The following PDSS2 variants were observed in gnomAD, a reference collection of about 807,000 sequenced individuals.
The protein encoded by PDSS2 is decaprenyl diphosphate synthase subunit 2, also known as all trans-polyprenyl-diphosphate synthase PDSS2.
A neutral mutation model predicts 44.5 loss-of-function variants in PDSS2; 31 were observed. The observed-to-expected ratio is 0.70, with a 90% CI of 0.52 to 0.94. The LOEUF is 0.94. Among genes scored for constraint, PDSS2 ranks in the 40% least tolerant of loss-of-function variants. The pLI is 0.00. For missense variants in PDSS2, 452 were observed against 482.2 expected (o/e 0.94, Z 0.59); for synonymous variants, 157 against 180.3 (o/e 0.87, Z 1.03).
intron 4 of PDSS2, among the ~76,000 whole-genome samples, chr6:107,222,587 A>G (rs1369037217): frequency 6.6e-6 from 1 of 151,050 alleles, no homozygotes; most frequent in Non-Finnish European, 1.5e-5. Context: ...CTTGGGAGGC[A>G]GAGGTTGCAG....
rs1554268081 is a variant in PDSS2 at position 107,336,882 on chromosome 6, TC to T, written c.297-2551del. On this transcript the variant is annotated intron_variant, in intron 1 of 7. Coordinates refer to ENST00000369037, the MANE Select transcript of PDSS2 (RefSeq NM_020381.4). ...TGTGTGTGTGTGTGTGTGTGTGTGT[TC>T]GGGGCTGGGCCTGGTCAGGGATTAA... 2.1e-3 allele frequency among the ~76,000 whole-genome samples: 144 copies of T among 70,160 alleles called. 6 individuals carry two copies. In the South Asian group the frequency reaches 0.061, roughly 30 times the overall value. 46.0% of individuals were successfully genotyped at this position (70,160 alleles called of 152,430 possible). A position where few individuals can be genotyped will look rare whatever the true frequency, so the allele number is the denominator to read the frequency against.
intron 2 of PDSS2, among the ~76,000 whole-genome samples, chr6:107,286,136 T>TAAATAA (rs568159749): frequency 3.0e-4 from 39 of 128,734 alleles, no homozygotes; most frequent in Admixed American, 4.0e-4. Context: ...CGTCGCAAAA[T>TAAATAA]AAAAAAAAAA....
At chr6:107,291,610 C>T (rs1488229777) in intron 2 of PDSS2, among the ~76,000 whole-genome samples, 1 of 151,122 alleles carries the variant, frequency 6.6e-6, no homozygotes, top group East Asian at 2.0e-4. Flanking sequence ...AAGTGATCCT[C>T]CCACCTTGGC....
chr6:107,294,612 T>C (rs1219427307), intron 2 of PDSS2, among the ~76,000 whole-genome samples: 6 of 152,140 alleles, frequency 3.9e-5, no homozygotes, highest in Non-Finnish European at 8.8e-5. Flanking sequence ...TACAGCTTAA[T>C]GCGTAACTCA....
rs531904245 is a variant in PDSS2 at position 107,407,963 on chromosome 6, C to T, written c.296+51027G>A. ...ATCCGCCTGCCTAGGACTCCCAAAG[C>T]GCTGGGATTACAAGTGTGAGCCACC... On this transcript the variant is annotated intron_variant, in intron 1 of 7. Coordinates refer to ENST00000369037, the MANE Select transcript of PDSS2 (RefSeq NM_020381.4). Among the ~76,000 whole-genome samples, 30 of 152,140 alleles carry T rather than the reference C, an allele frequency of 2.0e-4. No individual in the cohort carries two copies. The South Asian group carries it at 2.3e-3, about 12-fold the overall frequency.
chr6:107,282,868 CAAAA>C (rs1241936719), intron 2 of PDSS2, among the ~76,000 whole-genome samples: 3 of 73,376 alleles, frequency 4.1e-5, no homozygotes, highest in Admixed American at 3.1e-4. Flanking sequence ...GACTCCGTCT[CAAAA>C]AAAAAAAAAA....
chr6:107,230,768 C>A (rs1582820882), intron 4 of PDSS2, among the ~76,000 whole-genome samples: 1 of 151,998 alleles, frequency 6.6e-6, no homozygotes, highest in Non-Finnish European at 1.5e-5. Context: ...GGTAAGTACC[C>A]CCTGCCCATA....
chr6:107,255,277 C>T (rs1774973127), intron 3 of PDSS2, among the ~76,000 whole-genome samples: 2 of 149,960 alleles, frequency 1.3e-5, no homozygotes, highest in South Asian at 2.1e-4. Context: ...ACCCCAACCT[C>T]GACCTCCCGG....
intron 4 of PDSS2, among the ~76,000 whole-genome samples, chr6:107,235,385 A>C (rs1377906888): frequency 6.6e-6 from 1 of 152,214 alleles, no homozygotes; most frequent in African/African-American, 2.4e-5. Context: ...GCTGGGAATA[A>C]TTCCTGTTCC....
chr6:107,351,207 G>A (rs1778425935), intron 1 of PDSS2, among the ~76,000 whole-genome samples: 1 of 152,146 alleles, frequency 6.6e-6, no homozygotes, highest in Admixed American at 6.5e-5. Context: ...TGTCCAAAAG[G>A]TAATGAATTT....
chr6:107,241,628 A>G (rs976591896), intron 4 of PDSS2, among the ~76,000 whole-genome samples: 7 of 152,080 alleles, frequency 4.6e-5, no homozygotes, highest in Admixed American at 1.3e-4. Flanking sequence ...TTACAGGCGT[A>G]AGCCACCGCA....
intron 1 of PDSS2, among the ~76,000 whole-genome samples, chr6:107,451,585 T>C (rs1341646196): frequency 6.6e-6 from 1 of 152,094 alleles, no homozygotes; most frequent in Non-Finnish European, 1.5e-5. Context: ...ATGCCCTCCA[T>C]TATCTCAAGC....
intron 7 of PDSS2, among the ~76,000 whole-genome samples, chr6:107,172,789 C>CT (rs1453983743): frequency 1.2e-3 from 174 of 146,518 alleles, no homozygotes; most frequent in Non-Finnish European, 1.6e-3. Flanking sequence ...TTTTCTTCTT[C>CT]TTTTTTTTTT....
chr6:107,406,771 A>G (rs998452964), intron 1 of PDSS2, among the ~76,000 whole-genome samples: 3 of 152,244 alleles, frequency 2.0e-5, no homozygotes, highest in Non-Finnish European at 4.4e-5. Flanking sequence ...ACCATAAGTG[A>G]GATAGAACCA....
chr6:107,307,507 C>T (rs991502927), intron 2 of PDSS2, among the ~76,000 whole-genome samples: 1 of 151,718 alleles, frequency 6.6e-6, no homozygotes, highest in African/African-American at 2.4e-5. Flanking sequence ...AGATGGGGCA[C>T]TTCTACTTTT....
At chr6:107,258,128 A>G (rs1442490100) in intron 3 of PDSS2, among the ~76,000 whole-genome samples, 1 of 152,218 alleles carries the variant, frequency 6.6e-6, no homozygotes, top group Non-Finnish European at 1.5e-5. Flanking sequence ...TGAACAAATT[A>G]AGCCATATAT....
At chr6:107,385,774 T>C (rs1779593557) in intron 1 of PDSS2, among the ~76,000 whole-genome samples, 2 of 152,046 alleles carry the variant, frequency 1.3e-5, no homozygotes, top group South Asian at 4.2e-4. Flanking sequence ...AATTCACCTG[T>C]CTGGATCTTT....
intron 2 of PDSS2, among the ~76,000 whole-genome samples, chr6:107,281,896 AT>A (rs1329261075): frequency 1.3e-5 from 2 of 151,754 alleles, no homozygotes; most frequent in African/African-American, 2.4e-5. Context: ...TTACTTAGCA[AT>A]TTATTTATTT....
intron 1 of PDSS2, among the ~76,000 whole-genome samples, chr6:107,405,226 A>G (rs994927964): frequency 6.6e-6 from 1 of 152,184 alleles, no homozygotes; most frequent in African/African-American, 2.4e-5. Context: ...TTTCCTAGAC[A>G]AGCAAATGCT....
Sources: allele counts gnomAD v4.1 joint callset (sites outside exome capture counted in the v4.1 genomes callset), GRCh38; gene constraint gnomAD v4.1.1; transcripts MANE v1.5; gene names NCBI Gene and HGNC (gene_info 2026-07-23, HGNC 2026-07-21).